The following PRR14L variants were observed in gnomAD, a reference collection of about 807,000 sequenced individuals.
PRR14L encodes proline rich 14 like.
In PRR14L, 80 loss-of-function variants were observed where a neutral mutation model predicts 155.0. The ratio of observed to expected loss-of-function variants is 0.52; its 90% CI spans 0.43 to 0.62. The LOEUF (loss-of-function observed/expected upper bound fraction) is 0.62. Among genes scored for constraint, PRR14L ranks in the 20% least tolerant of loss-of-function variants. PRR14L has a pLI of 0.00. For synonymous variants in PRR14L, 883 were observed against 916.0 expected, an observed-to-expected ratio of 0.96 and a Z score of 0.65; for missense variants, 2,469 against 2,548.0, an observed-to-expected ratio of 0.97 and a Z score of 0.67.
Position 31,717,176 on chromosome 22 carries a change from A to G in PRR14L, c.663T>C (p.Ser221=). ...CACCGCATCCAGCTGAGAGATCTTT[A>G]CTCACATTGCCATTTTTGTGTCCTT... The part of the protein sequence containing the change: ...NNEGHKNGNV[S]KDLSAGCGEF... The change falls in exon 4 of 9, where the codon AGT becomes AGC. Residue 221 remains serine, a synonymous_variant. Coordinates refer to ENST00000327423, the MANE Select transcript of PRR14L (RefSeq NM_173566.3). 6 of 1,552,196 alleles carry G rather than the reference A, an allele frequency of 3.9e-6. No homozygotes were observed. Among genetic ancestry groups the G allele is most frequent in the Non-Finnish European group, 5.2e-6 (6 of 1,147,116 alleles).
Position 31,712,244 on chromosome 22 carries a change from A to C in PRR14L, c.5595T>G (p.Ser1865=), listed in dbSNP as rs777101510. Residue 1865 remains serine (S), a synonymous_variant, in exon 4 of 9, where the codon TCT becomes TCG. Transcript: ENST00000327423. ...AGACCTTGTCTGCTATGGAGGCTGG[A>C]GACCGTAACCCTTTCAGGCCCTGTG... The part of the protein sequence containing the change: ...QFTQGLKGLR[S]PASIADKVFC... The C allele has an allele frequency of 4.6e-5, 75 of 1,614,064 alleles. No individual in the cohort carries two copies. The highest frequency in any genetic ancestry group is 6.3e-5 in the Non-Finnish European group (74 of 1,180,044).
chr22:31,692,255 T>C (rs115861935), intron 7 of PRR14L, among the ~76,000 whole-genome samples: 2,205 of 152,288 alleles, frequency 0.014, 54 homozygotes, highest in African/African-American at 0.051. Context: ...TTTTTTTTTT[T>C]ACAGTGGCTA....
intron 2 of PRR14L, among the ~76,000 whole-genome samples, chr22:31,727,693 G>A (rs756606477): frequency 6.6e-6 from 1 of 152,068 alleles, no homozygotes; most frequent in African/African-American, 2.4e-5. Flanking sequence ...GAAATTGAAT[G>A]AATCAGGGCC....
rs1435946597 is a variant in PRR14L at position 31,725,614 on chromosome 22, C to T, written c.475-4G>A. 1 of 1,543,320 alleles carries T rather than the reference C, an allele frequency of 6.5e-7. No homozygotes were observed. The highest frequency in any genetic ancestry group is 2.0e-5 in the Admixed American group (1 of 50,944). On this transcript the variant is annotated splice_polypyrimidine_tract_variant and splice_region_variant and intron_variant, in intron 2 of 8. Coordinates refer to ENST00000327423, the MANE Select transcript of PRR14L (RefSeq NM_173566.3). ...TGGACTGCATCAGGAGATCCTCCTA[C>T]AGTAAGAAAATCCAGTGGTCAAGGG...
At chr22:31,688,901 T>TACACACACACACACACACACAC (rs149232375) in intron 7 of PRR14L, among the ~76,000 whole-genome samples, 1 of 147,768 alleles carries the variant, frequency 6.8e-6, no homozygotes, top group African/African-American at 2.5e-5. Flanking sequence ...AATATATACA[T>TACACACACACACACACACACAC]ACACACACAC....
chr22:31,729,029 T>C (rs1282759652), intron 2 of PRR14L, among the ~76,000 whole-genome samples: 3 of 152,198 alleles, frequency 2.0e-5, no homozygotes, highest in Non-Finnish European at 2.9e-5. Context: ...TCCTTGCTAG[T>C]AACCTTTGCA....
At chr22:31,740,122 G>T (rs548626492) in intron 1 of PRR14L, among the ~76,000 whole-genome samples, 1 of 152,074 alleles carries the variant, frequency 6.6e-6, no homozygotes, top group African/African-American at 2.4e-5. Context: ...GTACCATGGT[G>T]CAATCGTTCC....
chr22:31,740,874 G>C (rs1027797692), intron 1 of PRR14L, among the ~76,000 whole-genome samples: 1 of 152,166 alleles, frequency 6.6e-6, no homozygotes, highest in African/African-American at 2.4e-5. Flanking sequence ...GGGCGCAGTG[G>C]CTCACACCTG....
At chr22:31,722,524 G>GT (rs1227976831) in intron 3 of PRR14L, among the ~76,000 whole-genome samples, 2,213 of 138,168 alleles carry the variant, frequency 0.016, 57 homozygotes, top group African/African-American at 0.045. Context: ...GCATCATTCA[G>GT]TTTTTTTTTT....
chr22:31,733,506 T>C (rs1034476776), intron 2 of PRR14L, among the ~76,000 whole-genome samples: 1 of 150,002 alleles, frequency 6.7e-6, no homozygotes, highest in African/African-American at 2.5e-5. Flanking sequence ...GCTTTCACCA[T>C]GTTGCCCAGG....
In PRR14L at chr22:31,700,765, A is replaced by C. The variant is rs1185426363; in HGVS notation, c.6107+891T>G. Among the ~76,000 whole-genome samples, 3 of 152,152 alleles carry C rather than the reference A, an allele frequency of 2.0e-5. No individual in the cohort carries two copies. In the East Asian group the frequency reaches 5.8e-4, roughly 29 times the overall value. ...GAGACGGGGTTTCTCCATGTTGGTC[A>C]GGCTGGTCTCAAACTCCTGACCTTG... is the stretch of plus-strand genomic sequence containing the variant. On this transcript the variant is annotated intron_variant, in intron 7 of 8. Coordinates refer to ENST00000327423, the MANE Select transcript of PRR14L (RefSeq NM_173566.3).
At position 31,713,538 on chromosome 22, in the gene PRR14L, G is replaced by C. The variant is rs748902436; in HGVS notation, c.4301C>G (p.Pro1434Arg). Residue 1434 changes from proline (P) to arginine (R), a missense_variant, in exon 4 of 9, where the codon CCG becomes CGG. Physicochemically the swap from Pro to Arg is moderately radical, Grantham distance 103 (BLOSUM62 -2). This residue lies in a region of PRR14L where 2,363 missense variants were observed against 2,371.6 expected (regional missense o/e 1.00). Coordinates refer to ENST00000327423, the MANE Select transcript of PRR14L (RefSeq NM_173566.3). Reference protein sequence around the residue: ...LLDDAQNQNQPKADKDESTMI... With the variant: ...LLDDAQNQNQRKADKDESTMI... Reference sequence around the variant, plus strand: ...GGTGGACTCATCTTTGTCAGCCTTCGGTTGGTTCTGATTTTGTGCATCATC... The same window carrying C: ...GGTGGACTCATCTTTGTCAGCCTTCCGTTGGTTCTGATTTTGTGCATCATC... 54 of 1,551,922 alleles carry C rather than the reference G, an allele frequency of 3.5e-5. No homozygotes were observed. The highest frequency in any genetic ancestry group is 2.3e-5 in the Non-Finnish European group (26 of 1,147,074).
chr22:31,685,856 C>T, intron 8 of PRR14L, 53 bp from the exon 9 acceptor site: 3 of 1,510,776 alleles, frequency 2.0e-6, no homozygotes, highest in Non-Finnish European at 2.7e-6. Flanking sequence ...ATGGCCCATC[C>T]TGTCAACAGG....
At chr22:31,685,900 T>A (rs564902544) in intron 8 of PRR14L, 97 bp from the exon 9 acceptor site, 39 of 1,105,946 alleles carry the variant, frequency 3.5e-5, no homozygotes, top group Non-Finnish European at 4.9e-5. Context: ...ACAACCCTTC[T>A]AGTCAACAGG....
At chr22:31,747,132 CAG>C (rs936480339) in intron 1 of PRR14L, among the ~76,000 whole-genome samples, 2 of 140,090 alleles carry the variant, frequency 1.4e-5, no homozygotes, top group Non-Finnish European at 3.1e-5. Context: ...TTTTTTGAGA[CAG>C]AGTTTCACTC....
At chr22:31,702,262 G>A (rs1410587440) in intron 6 of PRR14L, among the ~76,000 whole-genome samples, 3 of 151,810 alleles carry the variant, frequency 2.0e-5, no homozygotes, top group Admixed American at 2.0e-4. Flanking sequence ...TGTTCTTGTT[G>A]CCCAGGCTTA....
chr22:31,737,245 C>T (rs528410820), intron 2 of PRR14L, among the ~76,000 whole-genome samples: 2 of 151,496 alleles, frequency 1.3e-5, no homozygotes, highest in Admixed American at 1.3e-4. Context: ...TTTTGGGAGG[C>T]CAAGACGGTC....
rs1569498585 is a variant in PRR14L, at chr22:31,712,808, A to T, written c.5031T>A (p.Ser1677Arg). 6.4e-7 allele frequency: 1 copy of T among 1,552,164 alleles called. No individual in the cohort carries two copies. ...TACTGTTAGGCCTCTTATCCCATCC[A>T]CTAGCTGCCAAATATGGATTCAGCT... The part of the protein sequence containing the change: ...TEQLNPYLAA[S>R]GWDKRPNSKP... The change falls in exon 4 of 9, where the codon AGT (serine) becomes AGA (arginine). Residue 1677 changes from serine (S) to arginine (R), a missense_variant. Physicochemically the swap from Ser to Arg is moderately radical, Grantham distance 110. Transcript: ENST00000327423.
intron 4 of PRR14L, among the ~76,000 whole-genome samples, chr22:31,706,082 G>C (rs1180150220): frequency 1.3e-5 from 2 of 151,818 alleles, no homozygotes; most frequent in Non-Finnish European, 2.9e-5. Flanking sequence ...TGTAATCCCA[G>C]CACTTTGGGG....
Sources: gnomAD v4.1 joint callset for allele counts (sites outside exome capture counted in the v4.1 genomes callset) on GRCh38, gnomAD v4.1.1 for gene constraint, gnomAD v4.1.1 regional missense constraint, MANE v1.5 for transcripts, NCBI Gene and HGNC (gene_info 2026-07-23, HGNC 2026-07-21) for gene names.